The following HECW2 variants were observed in gnomAD, a reference collection of about 807,000 sequenced individuals.
The protein encoded by HECW2 is E3 ubiquitin-protein ligase HECW2.
In HECW2, 61 loss-of-function variants were observed where a neutral mutation model predicts 175.2. The ratio of observed to expected loss-of-function variants is 0.35; its 90% confidence interval spans 0.28 to 0.43. HECW2 has a LOEUF of 0.43. HECW2 is among the 20% of genes least tolerant of loss of function. The pLI is 1.00. For synonymous variants in HECW2, 671 were observed against 731.0 expected, an observed-to-expected ratio of 0.92 and a Z score of 1.32; for missense variants, 1,524 against 2,000.5, an observed-to-expected ratio of 0.76 and a Z score of 4.54.
At chr2:196,578,500 T>C (rs566644595) in intron 1 of HECW2, among the ~76,000 whole-genome samples, 1 of 152,250 alleles carries the variant, frequency 6.6e-6, no homozygotes, top group East Asian at 1.9e-4. Context: ...TTAACCTATG[T>C]ATCCAGGAGG....
At chr2:196,526,738 T>C (rs1049479930) in intron 1 of HECW2, among the ~76,000 whole-genome samples, 4 of 152,036 alleles carry the variant, frequency 2.6e-5, no homozygotes, top group African/African-American at 9.7e-5. Context: ...TACCCTGCCC[T>C]GTGAGGTGTC....
intron 2 of HECW2, among the ~76,000 whole-genome samples, chr2:196,388,666 TCTTTTTC>T (rs796740258): frequency 2.6e-5 from 4 of 152,352 alleles, no homozygotes; most frequent in African/African-American, 4.8e-5. Context: ...TCAACATATA[TCTTTTTC>T]CTTTTTCCTT....
chr2:196,577,306 T>C (rs1434804573), intron 1 of HECW2, among the ~76,000 whole-genome samples: 2 of 152,220 alleles, frequency 1.3e-5, no homozygotes, highest in Non-Finnish European at 2.9e-5. Context: ...CTTCTAATTA[T>C]GTTGTTTTTC....
intron 1 of HECW2, among the ~76,000 whole-genome samples, chr2:196,454,654 T>C (rs1032386064): frequency 1.3e-5 from 2 of 152,250 alleles, no homozygotes; most frequent in African/African-American, 2.4e-5. Flanking sequence ...AGAAGGTAGC[T>C]ATTTTCTTCC....
intron 1 of HECW2, among the ~76,000 whole-genome samples, chr2:196,520,751 A>G (rs1415000300): frequency 6.6e-6 from 1 of 152,224 alleles, no homozygotes; most frequent in Non-Finnish European, 1.5e-5. Flanking sequence ...TGACTATCAT[A>G]TATCAACGTT....
intron 2 of HECW2, among the ~76,000 whole-genome samples, chr2:196,365,768 CTAT>C (rs1693727493): frequency 6.6e-6 from 1 of 152,146 alleles, no homozygotes; most frequent in African/African-American, 2.4e-5. Flanking sequence ...ACGATCATGA[CTAT>C]TATTTGTTAT....
At chr2:196,358,059 G>T (rs1324622935) in intron 2 of HECW2, among the ~76,000 whole-genome samples, 2 of 152,058 alleles carry the variant, frequency 1.3e-5, no homozygotes, top group African/African-American at 4.8e-5. Context: ...TACTCATATT[G>T]CCAGGCTGCC....
In HECW2 at chr2:196,321,696, G is replaced by A. The variant is rs544794272; in HGVS notation, c.884+782C>T. 1.1e-4 allele frequency among the ~76,000 whole-genome samples: 17 copies of A among 152,162 alleles called. No individual in the cohort carries two copies. In the South Asian group the frequency reaches 1.5e-3, roughly 13 times the overall value. ...ATTACAGGAATGAGCTGCCGTGCCC[G>A]GCCAACTTATTCTTAATTAAGGAAA... On this transcript the variant is annotated intron_variant, in intron 7 of 28. Transcript: ENST00000644978.
At chr2:196,383,881 C>T (rs1694275218) in intron 2 of HECW2, among the ~76,000 whole-genome samples, 2 of 152,152 alleles carry the variant, frequency 1.3e-5, no homozygotes, top group African/African-American at 4.8e-5. Flanking sequence ...TTAAACAGTT[C>T]AGTATAGTGG....
At chr2:196,399,072 A>G (rs1575501131) in intron 2 of HECW2, among the ~76,000 whole-genome samples, 1 of 152,338 alleles carries the variant, frequency 6.6e-6, no homozygotes, top group African/African-American at 2.4e-5. Context: ...TCAATTCATG[A>G]TGACATATTG....
chr2:196,554,746 T>TG (rs1689736419), intron 1 of HECW2, among the ~76,000 whole-genome samples: 1 of 152,266 alleles, frequency 6.6e-6, no homozygotes, highest in African/African-American at 2.4e-5. Flanking sequence ...GCAATGGGTC[T>TG]GGGGCTTTGA....
intron 1 of HECW2, among the ~76,000 whole-genome samples, chr2:196,558,153 G>A (rs1689872823): frequency 6.6e-6 from 1 of 152,124 alleles, no homozygotes; most frequent in Admixed American, 6.5e-5. Flanking sequence ...TCTGATTAAA[G>A]TTATTTTTCT....
intron 14 of HECW2, among the ~76,000 whole-genome samples, chr2:196,285,914 C>T (rs115963966): frequency 5.8e-4 from 88 of 152,332 alleles, no homozygotes; most frequent in African/African-American, 2.0e-3. Flanking sequence ...ATTTGTGGTA[C>T]TTGGGCCAGA....
At chr2:196,578,458 G>A (rs1268123704) in intron 1 of HECW2, among the ~76,000 whole-genome samples, 2 of 152,086 alleles carry the variant, frequency 1.3e-5, no homozygotes, top group African/African-American at 4.8e-5. Flanking sequence ...TAAGATTAGT[G>A]GCCATACATT....
intron 1 of HECW2, among the ~76,000 whole-genome samples, chr2:196,539,844 A>C (rs1689151380): frequency 6.6e-6 from 1 of 152,222 alleles, no homozygotes; most frequent in Non-Finnish European, 1.5e-5. Context: ...ATATAAAGTG[A>C]AGAGGCTACC....
chr2:196,357,297 T>C (rs1054054079), intron 2 of HECW2, among the ~76,000 whole-genome samples: 6 of 148,026 alleles, frequency 4.1e-5, no homozygotes, highest in Non-Finnish European at 8.9e-5. Flanking sequence ...AATCTCGCAC[T>C]CTTCAGTTTG....
At chr2:196,213,806 C>A (rs1434697169) in intron 28 of HECW2, among the ~76,000 whole-genome samples, 1 of 152,114 alleles carries the variant, frequency 6.6e-6, no homozygotes, top group Non-Finnish European at 1.5e-5. Context: ...CCAGCCTGAC[C>A]CTCAAGATTC....
chr2:196,514,692 G>A (rs920360741), intron 1 of HECW2, among the ~76,000 whole-genome samples: 3 of 152,134 alleles, frequency 2.0e-5, no homozygotes, highest in African/African-American at 7.2e-5. Context: ...CCTGAGGACA[G>A]GAGCTACCGA....
At chr2:196,209,684 G>A (rs2105782610) in intron 28 of HECW2, among the ~76,000 whole-genome samples, 1 of 152,296 alleles carries the variant, frequency 6.6e-6, no homozygotes, top group Middle Eastern at 3.4e-3. Flanking sequence ...GGACACCTCA[G>A]GGCAAATATA....
Sources: gnomAD v4.1 joint callset for allele counts (sites outside exome capture counted in the v4.1 genomes callset) on GRCh38, gnomAD v4.1.1 for gene constraint, MANE v1.5 for transcripts, NCBI Gene and HGNC (gene_info 2026-07-23, HGNC 2026-07-21) for gene names.